The following KCNQ1OT1 variants were observed in gnomAD, a reference collection of about 807,000 sequenced individuals.
KCNQ1OT1 encodes the protein KCNQ1 opposite strand/antisense transcript 1.
At chr11:2,696,810 T>C (rs1039898607) in exon 1 of KCNQ1OT1, 13 of 398,526 alleles carry the variant, frequency 3.3e-5, no homozygotes, top group Admixed American at 2.2e-4. Context: ...TTTGCTGCTA[T>C]TCTGATTGCT....
chr11:2,684,789 C>G (rs1850455671), exon 1 of KCNQ1OT1: 3 of 398,676 alleles, frequency 7.5e-6, no homozygotes, highest in Non-Finnish European at 1.3e-5. Context: ...TCCCTCCCCA[C>G]TGGTCTGGGC....
chr11:2,633,969 C>G, exon 1 of KCNQ1OT1: 1 of 398,454 alleles, frequency 2.5e-6, no homozygotes, highest in Non-Finnish European at 4.4e-6. Context: ...CTATACAGTT[C>G]AAATCTATGT....
Position 2,664,087 on chromosome 11 carries a change from A to G in KCNQ1OT1, n.35908T>C. ...AGTGATAAGTGGGCCCAGGCAGGTC[A>G]GAGACTCCAGTCATTACCCAACCAG... On this transcript the variant is annotated non_coding_transcript_exon_variant, in exon 1 of 1. Transcript: ENST00000597346. This position sits in a 1 kb window ranked among gnomAD's most constrained non-coding sequence, Gnocchi z 5.1. 2.5e-6 allele frequency: 1 copy of G among 398,770 alleles called. No homozygotes were observed. The highest frequency in any genetic ancestry group is 3.6e-5 in the East Asian group (1 of 28,084). 24.7% of individuals were successfully genotyped at this position (398,770 alleles called of 1,614,324 possible).
In KCNQ1OT1 at chr11:2,674,730, G is replaced by A. The variant is rs866646365; in HGVS notation, n.25265C>T. 2 of 394,762 alleles carry A rather than the reference G, an allele frequency of 5.1e-6. No homozygotes were observed. Among genetic ancestry groups the A allele is most frequent in the South Asian group, 2.6e-4 (2 of 7,710 alleles). The allele number at this position is 394,762 out of a possible 1,614,324, so 24.5% of individuals were successfully genotyped here. A position where few individuals can be genotyped will look rare whatever the true frequency, so the allele number is the denominator to read the frequency against. The stretch of plus-strand genomic sequence containing the variant: ...GACTCCTTCCTTCTGAACTTAACTC[G>A]TTAAAGTTGCTCCAATCCCAGCCCA... On this transcript the variant is annotated non_coding_transcript_exon_variant, in exon 1 of 1. Transcript: ENST00000597346. This position sits in a 1 kb window ranked among gnomAD's most constrained non-coding sequence, Gnocchi z 5.9.
exon 1 of KCNQ1OT1, chr11:2,649,093 A>G (rs1849717812): frequency 7.8e-6 from 3 of 385,512 alleles, no homozygotes; most frequent in Non-Finnish European, 1.3e-5. Context: ...CTTACAGTCT[A>G]TGGGTGTCTT....
chr11:2,640,928 T>C lies in KCNQ1OT1; in HGVS notation n.59067A>G, dbSNP rs1463425287. ...CACATATGATAATAACATAAGATAA[T>C]TATCTTTCTGTGCCTGGCTTAAAAT... On this transcript the variant is annotated non_coding_transcript_exon_variant, in exon 1 of 1. Coordinates refer to ENST00000597346, the Ensembl canonical transcript of KCNQ1OT1. The C allele has an allele frequency of 7.5e-6, 3 of 399,210 alleles. No individual in the cohort carries two copies. In the Admixed American group the frequency reaches 1.3e-4, roughly 18 times the overall value. The allele number at this position is 399,210 out of a possible 1,614,324, so 24.7% of individuals were successfully genotyped here.
At chr11:2,619,859 TAA>T (rs1849135410) in exon 1 of KCNQ1OT1, 1 of 398,506 alleles carries the variant, frequency 2.5e-6, no homozygotes, top group Non-Finnish European at 4.4e-6. Flanking sequence ...GGGGTTTTTT[TAA>T]CTTTTATTTT....
At chr11:2,616,739 G>T in exon 1 of KCNQ1OT1, 1 of 398,136 alleles carries the variant, frequency 2.5e-6, no homozygotes, top group South Asian at 1.3e-4. Context: ...CTATATTGTA[G>T]TTAGAGAAGA....
exon 1 of KCNQ1OT1, chr11:2,610,199 T>C (rs1256495560): frequency 2.5e-6 from 1 of 398,052 alleles, no homozygotes; most frequent in Non-Finnish European, 4.4e-6. Context: ...GCTCTAGGGC[T>C]TACCTTATGT....
chr11:2,680,060 A>T (rs1162059264), exon 1 of KCNQ1OT1: 1 of 320,674 alleles, frequency 3.1e-6, no homozygotes. Context: ...TGACTGGCTA[A>T]TTTTTTTTTT....
At chr11:2,699,050 G>C in exon 1 of KCNQ1OT1, 1 of 398,554 alleles carries the variant, frequency 2.5e-6, no homozygotes, top group Non-Finnish European at 4.4e-6. Context: ...GTCCCAATTC[G>C]GGCTTTGACT....
rs2039952385 is a variant in KCNQ1OT1 at position 2,623,409 on chromosome 11, G to A, written n.76586C>T. On this transcript the variant is annotated non_coding_transcript_exon_variant, in exon 1 of 1. Transcript: ENST00000597346. This position sits in a 1 kb window ranked among gnomAD's most constrained non-coding sequence, Gnocchi z 5.2. ...ATTTTCACTGCCCTAAAAGTACTCTGTGCACTGCCTATTCAACCCTTCTTC... is the reference window on the plus strand; with the variant it reads ...ATTTTCACTGCCCTAAAAGTACTCTATGCACTGCCTATTCAACCCTTCTTC... 2 of 398,430 alleles carry A rather than the reference G, an allele frequency of 5.0e-6. No individual in the cohort carries two copies. Among genetic ancestry groups the A allele is most frequent in the Middle Eastern group, 6.2e-4 (1 of 1,610 alleles). 24.7% of individuals were successfully genotyped at this position (398,430 alleles called of 1,614,324 possible). A position where few individuals can be genotyped will look rare whatever the true frequency, so the allele number is the denominator to read the frequency against.
rs1236859000 is a variant in KCNQ1OT1 at position 2,687,814 on chromosome 11, C to T, written n.12181G>A. 2.5e-6 allele frequency: 1 copy of T among 398,754 alleles called. No individual in the cohort carries two copies. Among genetic ancestry groups the T allele is most frequent in the Non-Finnish European group, 4.4e-6 (1 of 226,166 alleles). The allele number at this position is 398,754 out of a possible 1,614,324, so 24.7% of individuals were successfully genotyped here. ...AGCCACCCAGCCTGGCCCCCCTCCT[C>T]TGCCCCAACTGGCTCCAGGCCAAAC... is the stretch of plus-strand genomic sequence containing the variant. On this transcript the variant is annotated non_coding_transcript_exon_variant, in exon 1 of 1. Coordinates refer to ENST00000597346, the Ensembl canonical transcript of KCNQ1OT1. The surrounding 1 kb of genome is among the most constrained non-coding windows in gnomAD (Gnocchi z 5.0).
rs1850232512 is a variant in KCNQ1OT1 at position 2,673,747 on chromosome 11, G to T, written n.26248C>A. On this transcript the variant is annotated non_coding_transcript_exon_variant, in exon 1 of 1. Coordinates refer to ENST00000597346, the Ensembl canonical transcript of KCNQ1OT1. This position sits in a 1 kb window ranked among gnomAD's most constrained non-coding sequence, Gnocchi z 4.5. ...AGGCCCAGACTGGACAGGGGAAGGGGTACAGTCCCTTCTTGCTGGTATGTT... is the reference window on the plus strand; with the variant it reads ...AGGCCCAGACTGGACAGGGGAAGGGTTACAGTCCCTTCTTGCTGGTATGTT... 2 of 398,564 alleles carry T rather than the reference G, an allele frequency of 5.0e-6. No homozygotes were observed. Among genetic ancestry groups the T allele is most frequent in the Middle Eastern group, 6.3e-4 (1 of 1,590 alleles). The allele number at this position is 398,564 out of a possible 1,614,324, so 24.7% of individuals were successfully genotyped here. A position where few individuals can be genotyped will look rare whatever the true frequency, so the allele number is the denominator to read the frequency against.
rs1849178327 is a variant in KCNQ1OT1 at position 2,621,880 on chromosome 11, G to C, written n.78115C>G. 6 of 398,004 alleles carry C rather than the reference G, an allele frequency of 1.5e-5. No individual in the cohort carries two copies. The allele number at this position is 398,004 out of a possible 1,614,324, so 24.7% of individuals were successfully genotyped here. ...TGGTTTTTCTTTCTAACTTGTCTCT[G>C]TTCTGATCTTTATTATTTCCTTCTG... On this transcript the variant is annotated non_coding_transcript_exon_variant, in exon 1 of 1. Transcript: ENST00000597346. The surrounding 1 kb of genome is among the most constrained non-coding windows in gnomAD (Gnocchi z 5.7).
exon 1 of KCNQ1OT1, chr11:2,618,645 C>T: frequency 7.5e-6 from 3 of 398,442 alleles, no homozygotes; most frequent in Non-Finnish European, 1.3e-5. Flanking sequence ...CTTTGTTTTT[C>T]AGAACAGAAT....
Position 2,616,203 on chromosome 11 carries a change from TG to T in KCNQ1OT1, n.83791del, listed in dbSNP as rs201196387. ...AGATCAGTTATATCGTTCCCACTTT[TG>T]TTTTTTTTTCTTATTTTTGTTTTTT... On this transcript the variant is annotated non_coding_transcript_exon_variant, in exon 1 of 1. Transcript: ENST00000597346. The T allele has an allele frequency of 3.5e-3, 1,345 of 385,466 alleles. 5 individuals are homozygous for T. Among genetic ancestry groups the T allele is most frequent in the Admixed American group, 0.026 (575 of 22,310 alleles). The allele number at this position is 385,466 out of a possible 1,614,324, so 23.9% of individuals were successfully genotyped here.
exon 1 of KCNQ1OT1, chr11:2,696,666 A>G (rs2133898505): frequency 2.5e-6 from 1 of 398,666 alleles, no homozygotes; most frequent in Non-Finnish European, 4.4e-6. Flanking sequence ...CGTCATTCTA[A>G]TGCCAAGTTG....
Position 2,673,314 on chromosome 11 carries a change from G to C in KCNQ1OT1, n.26681C>G, listed in dbSNP as rs1374824752. On this transcript the variant is annotated non_coding_transcript_exon_variant, in exon 1 of 1. Coordinates refer to ENST00000597346, the Ensembl canonical transcript of KCNQ1OT1. This position sits in a 1 kb window ranked among gnomAD's most constrained non-coding sequence, Gnocchi z 4.5. ...AATCTTGAGAGAAACAATCCCACAG[G>C]CTACCAGGCCAGCTTTTGGAAACAG... 2 of 398,664 alleles carry C rather than the reference G, an allele frequency of 5.0e-6. No homozygotes were observed. Among genetic ancestry groups the C allele is most frequent in the South Asian group, 1.3e-4 (1 of 7,866 alleles). The allele number at this position is 398,664 out of a possible 1,614,324, so 24.7% of individuals were successfully genotyped here.
Sources: allele counts gnomAD v4.1 joint callset, GRCh38; gene constraint gnomAD v4.1.1; non-coding constraint Gnocchi (gnomAD v3.1); transcripts MANE v1.5; gene names NCBI Gene and HGNC (gene_info 2026-07-23, HGNC 2026-07-21).